PPP1R9A: variants seen among roughly 807,000 people sequenced by gnomAD.
PPP1R9A encodes the protein neurabin-1.
PPP1R9A carries 59 observed loss-of-function variants against 141.9 expected under a neutral mutation model. The observed-to-expected ratio is 0.42, with a 90% CI of 0.34 to 0.52. PPP1R9A has a LOEUF of 0.52. Among genes scored for constraint, PPP1R9A ranks in the 20% least tolerant of loss-of-function variants. The pLI, the probability that PPP1R9A is intolerant of heterozygous loss-of-function variation, is 0.10. For missense variants in PPP1R9A, 1,444 were observed against 1,611.9 expected, an observed-to-expected ratio of 0.90 and a Z score of 1.78; for synonymous variants, 500 against 569.7, an observed-to-expected ratio of 0.88 and a Z score of 1.74.
At chr7:95,120,408 T>C (rs1358924908) in intron 3 of PPP1R9A, among the ~76,000 whole-genome samples, 3 of 152,380 alleles carry the variant, frequency 2.0e-5, no homozygotes, top group South Asian at 2.1e-4. Flanking sequence ...CATTGCATTA[T>C]TTAGAGAATC....
intron 2 of PPP1R9A, among the ~76,000 whole-genome samples, chr7:95,008,140 T>C (rs537690736): frequency 6.6e-6 from 1 of 152,270 alleles, no homozygotes; most frequent in East Asian, 1.9e-4. Context: ...AAATAATGTC[T>C]ATTTTATGGT....
At chr7:95,106,300 G>A (rs1267919133) in intron 2 of PPP1R9A, among the ~76,000 whole-genome samples, 1 of 152,172 alleles carries the variant, frequency 6.6e-6, no homozygotes, top group African/African-American at 2.4e-5. Flanking sequence ...TAAATAAGGA[G>A]ACTGCGCCTT....
chr7:95,062,176 G>T (rs1812328899), intron 2 of PPP1R9A, among the ~76,000 whole-genome samples: 1 of 152,122 alleles, frequency 6.6e-6, no homozygotes, highest in Non-Finnish European at 1.5e-5. Context: ...GGCCCTTGAG[G>T]GTGAGTGGAG....
At chr7:95,277,577 G>C (rs1803430537) in intron 16 of PPP1R9A, among the ~76,000 whole-genome samples, 1 of 151,944 alleles carries the variant, frequency 6.6e-6, no homozygotes, top group Admixed American at 6.6e-5. Context: ...CTACAGGTGT[G>C]TGCCACCATG....
At chr7:95,193,343 C>T (rs532623105) in intron 5 of PPP1R9A, among the ~76,000 whole-genome samples, 45 of 152,040 alleles carry the variant, frequency 3.0e-4, no homozygotes, top group South Asian at 2.1e-4. Flanking sequence ...CTGTCTTATG[C>T]GCAATTATAA....
chr7:95,023,524 AATT>A (rs76020517), intron 2 of PPP1R9A, among the ~76,000 whole-genome samples: 81,511 of 150,936 alleles, frequency 0.54, 22,581 homozygotes, highest in African/African-American at 0.63. Context: ...CTAGCTTTTG[AATT>A]ATTTATTTGC....
chr7:95,052,269 T>C (rs1810926197), intron 2 of PPP1R9A, among the ~76,000 whole-genome samples: 1 of 152,172 alleles, frequency 6.6e-6, no homozygotes, highest in Non-Finnish European at 1.5e-5. Context: ...AACTTGTTAA[T>C]TGGTAAAAAG....
chr7:95,075,645 C>T (rs573683930), intron 2 of PPP1R9A, among the ~76,000 whole-genome samples: 1 of 152,104 alleles, frequency 6.6e-6, no homozygotes, highest in South Asian at 2.1e-4. Context: ...ACCATCCTGG[C>T]TAACACGGTG....
intron 3 of PPP1R9A, among the ~76,000 whole-genome samples, chr7:95,116,935 A>G (rs1467908553): frequency 6.6e-6 from 1 of 152,210 alleles, no homozygotes; most frequent in Non-Finnish European, 1.5e-5. Context: ...TTGTTCTGGC[A>G]TAACTGAGAA....
chr7:95,218,915 T>A (rs1437178386), intron 7 of PPP1R9A, among the ~76,000 whole-genome samples: 1 of 152,218 alleles, frequency 6.6e-6, no homozygotes, highest in African/African-American at 2.4e-5. Flanking sequence ...GTCTTGACTC[T>A]TTATCCAATT....
intron 8 of PPP1R9A, among the ~76,000 whole-genome samples, chr7:95,230,414 A>G (rs954415797): frequency 6.6e-6 from 1 of 152,244 alleles, no homozygotes; most frequent in Non-Finnish European, 1.5e-5. Context: ...CATCAAAAAC[A>G]TAATACAAGA....
At chr7:95,284,463 A>G in intron 17 of PPP1R9A, 133 bp downstream of exon 17, 3 of 907,952 alleles carry the variant, frequency 3.3e-6, no homozygotes, top group South Asian at 1.9e-5. Context: ...ATCTTTTCAC[A>G]TATTGCTATT....
At chr7:94,992,506 G>A (rs755710439) in intron 2 of PPP1R9A, among the ~76,000 whole-genome samples, 5 of 152,142 alleles carry the variant, frequency 3.3e-5, no homozygotes, top group South Asian at 2.1e-4. Flanking sequence ...GGAGTGGATC[G>A]TATTGTAGGT....
chr7:95,253,544 AG>A (rs35991357), intron 12 of PPP1R9A, among the ~76,000 whole-genome samples: 19,991 of 152,148 alleles, frequency 0.13, 1,496 homozygotes, highest in African/African-American at 0.18. Context: ...CTGAAAGAGG[AG>A]GATTTAGCAT....
Position 95,189,460 on chromosome 7 carries a change from G to A in PPP1R9A, c.1755-8889G>A, listed in dbSNP as rs1292859275. On this transcript the variant is annotated intron_variant, in intron 5 of 19. Coordinates refer to ENST00000433360, the MANE Select transcript of PPP1R9A (RefSeq NM_001166160.2). ...TTTTTTTTTTTTTTTTTTTTGAGACGGAGTCTCGCTCTGTCGCCCAGGCTG... is the reference window on the plus strand; with the variant it reads ...TTTTTTTTTTTTTTTTTTTTGAGACAGAGTCTCGCTCTGTCGCCCAGGCTG... 7.0e-5 allele frequency among the ~76,000 whole-genome samples: 9 copies of A among 127,826 alleles called. No individual in the cohort carries two copies. The East Asian group carries it at 1.1e-3, about 16-fold the overall frequency. The allele number at this position is 127,826 out of a possible 152,430, so 83.9% of individuals were successfully genotyped here.
Position 95,293,464 on chromosome 7 carries a change from A to T in PPP1R9A, c.*3161A>T, listed in dbSNP as rs1464498915. On this transcript the variant is annotated 3_prime_UTR_variant, in exon 20 of 20. Coordinates refer to ENST00000433360, the MANE Select transcript of PPP1R9A (RefSeq NM_001166160.2). ...TGACAATTGATTTCACACCCTCAACATCACAAGCTTTTTTTAACCCACAGC... is the reference window on the plus strand; with the variant it reads ...TGACAATTGATTTCACACCCTCAACTTCACAAGCTTTTTTTAACCCACAGC... 6.6e-6 allele frequency: 1 copy of T among 152,192 alleles called. No homozygotes were observed. Among genetic ancestry groups the T allele is most frequent in the Non-Finnish European group, 1.5e-5 (1 of 68,036 alleles). 9.4% of individuals were successfully genotyped at this position (152,192 alleles called of 1,614,324 possible). A position where few individuals can be genotyped will look rare whatever the true frequency, so the allele number is the denominator to read the frequency against.
chr7:95,175,574 GA>G (rs1832780856), intron 5 of PPP1R9A, among the ~76,000 whole-genome samples: 1 of 151,286 alleles, frequency 6.6e-6, no homozygotes, highest in Non-Finnish European at 1.5e-5. Flanking sequence ...AAAAGGATTA[GA>G]TTTTTTTTTA....
At chr7:95,274,984 C>G (rs562503945) in intron 16 of PPP1R9A, among the ~76,000 whole-genome samples, 6 of 152,262 alleles carry the variant, frequency 3.9e-5, no homozygotes, top group African/African-American at 1.4e-4. Context: ...TAAAATGATA[C>G]TTGGCATGTA....
chr7:94,974,632 T>C (rs1799228653), intron 2 of PPP1R9A, among the ~76,000 whole-genome samples: 1 of 152,210 alleles, frequency 6.6e-6, no homozygotes, highest in Non-Finnish European at 1.5e-5. Flanking sequence ...CACAGTTTCA[T>C]TCTTGTTTCT....
Sources: gnomAD v4.1 joint callset for allele counts (sites outside exome capture counted in the v4.1 genomes callset) on GRCh38, gnomAD v4.1.1 for gene constraint, MANE v1.5 for transcripts, NCBI Gene and HGNC (gene_info 2026-07-23, HGNC 2026-07-21) for gene names.